Variants in DGKI observed in about 807,000 individuals in gnomAD.
The protein encoded by DGKI is diacylglycerol kinase iota.
DGKI carries 55 observed loss-of-function variants against 147.5 expected under a neutral mutation model. The ratio of observed to expected loss-of-function variants is 0.37; its 90% CI spans 0.30 to 0.47. The LOEUF is 0.47. Among genes scored for constraint, DGKI ranks in the 20% least tolerant of loss-of-function variants. The pLI is 1.00. For synonymous variants in DGKI, 469 were observed against 477.1 expected (o/e 0.98, Z 0.22); for missense variants, 1,007 against 1,323.8 (o/e 0.76, Z 3.71).
At chr7:137,738,647 C>T (rs1795089637) in intron 1 of DGKI, among the ~76,000 whole-genome samples, 1 of 151,936 alleles carries the variant, frequency 6.6e-6, no homozygotes, top group Non-Finnish European at 1.5e-5. Flanking sequence ...CAGTTTTGGG[C>T]TTGGAAAATA....
intron 20 of DGKI, among the ~76,000 whole-genome samples, chr7:137,548,372 T>G (rs533197981): frequency 6.6e-6 from 1 of 152,312 alleles, no homozygotes; most frequent in East Asian, 1.9e-4. Context: ...ATGTTGTATG[T>G]GGGGCCTGGT....
At chr7:137,663,745 C>T (rs1822529326) in intron 3 of DGKI, among the ~76,000 whole-genome samples, 1 of 152,130 alleles carries the variant, frequency 6.6e-6, no homozygotes, top group African/African-American at 2.4e-5. Context: ...CCCCAGAAGC[C>T]ATGGGGTTCA....
chr7:137,799,427 T>A (rs1439477289), intron 1 of DGKI, among the ~76,000 whole-genome samples: 4 of 152,190 alleles, frequency 2.6e-5, no homozygotes, highest in Non-Finnish European at 1.5e-5. Flanking sequence ...AAAGTAGTGA[T>A]GATAGTCAAA....
rs1404629586 is a variant in DGKI, at chr7:137,579,473, C to T, written c.1643-1148G>A. On this transcript the variant is annotated intron_variant, in intron 15 of 32. Coordinates refer to ENST00000614521, the MANE Select transcript of DGKI (RefSeq NM_001321708.2). ...AAAAGAAAGAAAAAAAGGCTATTTGCTTAATTATATATTTCATAGACAAAT... is the reference window on the plus strand; with the variant it reads ...AAAAGAAAGAAAAAAAGGCTATTTGTTTAATTATATATTTCATAGACAAAT... 4.0e-5 allele frequency among the ~76,000 whole-genome samples: 6 copies of T among 149,876 alleles called. No individual in the cohort carries two copies. The East Asian group carries it at 1.2e-3, about 29-fold the overall frequency.
At position 137,397,372 on chromosome 7, in the gene DGKI, C is replaced by G; in HGVS notation, c.2957+5G>C. The G allele has an allele frequency of 1.2e-6, 2 of 1,613,104 alleles. No individual in the cohort carries two copies. Among genetic ancestry groups the G allele is most frequent in the Non-Finnish European group, 1.7e-6 (2 of 1,179,614 alleles). On this transcript the variant is annotated splice_donor_5th_base_variant and intron_variant, in intron 31 of 32. Coordinates refer to ENST00000614521, the MANE Select transcript of DGKI (RefSeq NM_001321708.2). Reference sequence around the variant, plus strand: ...CTAGACTATGTAATAAAAGGCAACACTCACGTTTCACTGTCTGCCATATCC... The same window carrying G: ...CTAGACTATGTAATAAAAGGCAACAGTCACGTTTCACTGTCTGCCATATCC...
chr7:137,495,710 C>T (rs1234656284), intron 21 of DGKI, among the ~76,000 whole-genome samples: 1 of 152,028 alleles, frequency 6.6e-6, no homozygotes, highest in Non-Finnish European at 1.5e-5. Flanking sequence ...ACCAAAACTA[C>T]ATGATCATCT....
intron 21 of DGKI, among the ~76,000 whole-genome samples, chr7:137,500,989 C>A (rs1342568902): frequency 6.6e-6 from 1 of 152,078 alleles, no homozygotes; most frequent in Non-Finnish European, 1.5e-5. Flanking sequence ...TGTATTTGCA[C>A]ACCCATTGAC....
At chr7:137,582,639 A>T (rs1333432040) in intron 14 of DGKI, among the ~76,000 whole-genome samples, 1 of 152,100 alleles carries the variant, frequency 6.6e-6, no homozygotes. Context: ...ACAGCCACAC[A>T]GATACACATG....
intron 28 of DGKI, among the ~76,000 whole-genome samples, chr7:137,426,698 G>C (rs10267501): frequency 0.4 from 60,901 of 150,650 alleles, 12,862 homozygotes; most frequent in East Asian, 0.74. Flanking sequence ...TAAAAGGATG[G>C]AGGAAGATCT....
chr7:137,817,710 A>G (rs147143161), intron 1 of DGKI, among the ~76,000 whole-genome samples: 2 of 152,362 alleles, frequency 1.3e-5, no homozygotes, highest in African/African-American at 4.8e-5. Flanking sequence ...ATCAATCTGC[A>G]GATACCAGTG....
At chr7:137,778,014 G>A (rs1796410310) in intron 1 of DGKI, among the ~76,000 whole-genome samples, 1 of 152,130 alleles carries the variant, frequency 6.6e-6, no homozygotes, top group Admixed American at 6.5e-5. Flanking sequence ...GGTAAGACAT[G>A]GACCCTACCA....
At chr7:137,484,362 G>A (rs987459193) in intron 23 of DGKI, among the ~76,000 whole-genome samples, 2 of 152,210 alleles carry the variant, frequency 1.3e-5, no homozygotes, top group Admixed American at 1.3e-4. Flanking sequence ...AATCCAAAGT[G>A]AAGTGCTAAA....
intron 23 of DGKI, among the ~76,000 whole-genome samples, chr7:137,477,773 C>T (rs1055403626): frequency 1.1e-4 from 16 of 152,274 alleles, no homozygotes; most frequent in African/African-American, 3.8e-4. Flanking sequence ...CCTCCCACCT[C>T]AGCTGCCCAA....
chr7:137,712,923 T>C (rs920943394), intron 1 of DGKI, among the ~76,000 whole-genome samples: 2 of 152,204 alleles, frequency 1.3e-5, no homozygotes, highest in African/African-American at 4.8e-5. Context: ...CTTAGCAACT[T>C]GTTCTGCGAA....
At position 137,461,503 on chromosome 7, in the gene DGKI, T is replaced by G. The variant is rs185742313; in HGVS notation, c.2735+1986A>C. ...TATTCTAAGAAATAAATGGACATAATAATTTTAAAAGTTAAAGAATTAATT... is the reference window on the plus strand; with the variant it reads ...TATTCTAAGAAATAAATGGACATAAGAATTTTAAAAGTTAAAGAATTAATT... On this transcript the variant is annotated intron_variant, in intron 27 of 32. Coordinates refer to ENST00000614521, the MANE Select transcript of DGKI (RefSeq NM_001321708.2). 2.1e-4 allele frequency among the ~76,000 whole-genome samples: 32 copies of G among 152,314 alleles called. No individual in the cohort carries two copies. In the East Asian group the frequency reaches 6.2e-3, roughly 29 times the overall value.
At chr7:137,597,721 T>C in intron 12 of DGKI, 126 bp downstream of exon 12, 1 of 829,854 alleles carries the variant, frequency 1.2e-6, no homozygotes. Context: ...GGGCTATGAT[T>C]CACATGAGAG....
chr7:137,608,331 A>G (rs1820250499), intron 10 of DGKI, among the ~76,000 whole-genome samples: 2 of 152,226 alleles, frequency 1.3e-5, no homozygotes, highest in African/African-American at 4.8e-5. Flanking sequence ...GACAAAGACC[A>G]GGATTCAAGA....
chr7:137,552,452 T>C lies in DGKI; in HGVS notation c.2064A>G (p.Pro688=), dbSNP rs759061125. ...TCCTCAGGGAGATCCGAATCATAGC[T>C]GGGGCCAACCTACAGGGCTCCCCAT... ...QVDGEPCRLA[P]AMIRISLRNQ... The change falls in exon 20 of 33, where the codon CCA becomes CCG. Residue 688 remains proline, a synonymous_variant. Coordinates refer to ENST00000614521, the MANE Select transcript of DGKI (RefSeq NM_001321708.2). 3 of 1,614,180 alleles carry C rather than the reference T, an allele frequency of 1.9e-6. No homozygotes were observed. In the South Asian group the frequency reaches 3.3e-5, roughly 18 times the overall value.
At chr7:137,672,698 C>A (rs527774001) in intron 3 of DGKI, among the ~76,000 whole-genome samples, 56 of 149,462 alleles carry the variant, frequency 3.7e-4, no homozygotes, top group African/African-American at 1.3e-3. Flanking sequence ...TGGCTTGCAG[C>A]TGCCTCACTC....
Sources: gnomAD v4.1 joint callset for allele counts (sites outside exome capture counted in the v4.1 genomes callset) on GRCh38, gnomAD v4.1.1 for gene constraint, MANE v1.5 for transcripts, NCBI Gene and HGNC (gene_info 2026-07-23, HGNC 2026-07-21) for gene names.